SLC4A3: variants seen among roughly 807,000 people sequenced by gnomAD.
The protein encoded by SLC4A3 is anion exchange protein 3.
In SLC4A3, 47 loss-of-function variants were observed where a neutral mutation model predicts 114.2. The ratio of observed to expected loss-of-function variants is 0.41; its 90% CI spans 0.33 to 0.52. SLC4A3 has a LOEUF of 0.52. Among genes scored for constraint, SLC4A3 ranks in the 20% least tolerant of loss-of-function variants. The pLI, the probability that SLC4A3 is intolerant of heterozygous loss-of-function variation, is 0.21. For synonymous variants in SLC4A3, 693 were observed against 710.3 expected (o/e 0.98, Z 0.39); for missense variants, 1,312 against 1,668.3 (o/e 0.79, Z 3.72).
In SLC4A3 at chr2:219,638,231, C is replaced by G; in HGVS notation, c.2834C>G (p.Ser945Cys). Residue 945 changes from serine to cysteine, a missense_variant, in exon 18 of 23, where the codon TCC becomes TGC. Coordinates refer to ENST00000358055, the MANE Select transcript of SLC4A3 (RefSeq NM_005070.4). The surrounding 1 kb of genome is among the most constrained non-coding windows in gnomAD (Gnocchi z 7.5). Reference protein sequence around the residue: ...SILVMVLVDYSITDTYTQKLT... With the variant: ...SILVMVLVDYCITDTYTQKLT... The stretch of plus-strand genomic sequence containing the variant: ...CTGGTGATGGTCCTGGTGGATTACT[C>G]CATCACAGACACCTACACGCAGGTG... The G allele has an allele frequency of 6.2e-7, 1 of 1,612,272 alleles. No individual in the cohort carries two copies.
Position 219,631,463 on chromosome 2 carries a change from A to G in SLC4A3, c.812-505A>G. ...TGGCAGGGCCACCAACTTGTGAGTAACGGGGCTGCTGGCCTTTCCCCGACT... is the reference window on the plus strand; with the variant it reads ...TGGCAGGGCCACCAACTTGTGAGTAGCGGGGCTGCTGGCCTTTCCCCGACT... On this transcript the variant is annotated intron_variant, in intron 6 of 22. Transcript: ENST00000358055. This position sits in a 1 kb window ranked among gnomAD's most constrained non-coding sequence, Gnocchi z 6.3. The G allele has an allele frequency of 7.7e-7, 1 of 1,302,930 alleles. No individual in the cohort carries two copies. Among genetic ancestry groups the G allele is most frequent in the South Asian group, 1.2e-5 (1 of 80,940 alleles). 80.7% of individuals were successfully genotyped at this position (1,302,930 alleles called of 1,614,324 possible). A position where few individuals can be genotyped will look rare whatever the true frequency, so the allele number is the denominator to read the frequency against.
At chr2:219,627,871 AG>A (rs1698770476) in intron 1 of SLC4A3, 28 bp from the exon 2 acceptor site, 1 of 761,972 alleles carries the variant, frequency 1.3e-6, no homozygotes, top group African/African-American at 1.9e-5. Context: ...CGCCAGCGCA[AG>A]GAACCTGACC....
In SLC4A3 at chr2:219,638,317, A is replaced by T; in HGVS notation, c.2856+64A>T. The T allele has an allele frequency of 8.0e-7, 1 of 1,242,644 alleles. No homozygotes were observed. The highest frequency in any genetic ancestry group is 1.2e-5 in the South Asian group (1 of 80,028). The allele number at this position is 1,242,644 out of a possible 1,614,324, so 77.0% of individuals were successfully genotyped here. A position where few individuals can be genotyped will look rare whatever the true frequency, so the allele number is the denominator to read the frequency against. The stretch of plus-strand genomic sequence containing the variant: ...CAGGCCAGGAGAGGGAGCCCACAAC[A>T]CACTTCCATGGGCCCTGGGATTGGG... On this transcript the variant is annotated intron_variant, in intron 18 of 22. Coordinates refer to ENST00000358055, the MANE Select transcript of SLC4A3 (RefSeq NM_005070.4). This position sits in a 1 kb window ranked among gnomAD's most constrained non-coding sequence, Gnocchi z 7.5.
chr2:219,633,355 T>C lies in SLC4A3; in HGVS notation c.1359T>C (p.His453=). Residue 453 remains histidine, a synonymous_variant, in exon 10 of 23, where the codon CAT becomes CAC. Coordinates refer to ENST00000358055, the MANE Select transcript of SLC4A3 (RefSeq NM_005070.4). ...GCATGAACTCGGTTCTGGGGAATCATCACCCAACTCCCAGCCATGGCCCTG... is the reference window on the plus strand; with the variant it reads ...GCATGAACTCGGTTCTGGGGAATCACCACCCAACTCCCAGCCATGGCCCTG... ...SSSMNSVLGN[H]HPTPSHGPDG... is the part of the protein sequence containing the mutation. 1 of 1,607,732 alleles carries C rather than the reference T, an allele frequency of 6.2e-7. No individual in the cohort carries two copies. The highest frequency in any genetic ancestry group is 1.1e-5 in the South Asian group (1 of 90,416).
chr2:219,636,865 G>T lies in SLC4A3; in HGVS notation c.2526G>T (p.Lys842Asn). The change falls in exon 16 of 23, where the codon AAG becomes AAT. Residue 842 changes from lysine (K) to asparagine (N), a missense_variant. Lys to Asn is a moderately conservative substitution (Grantham distance 94). Around this residue, in one of 4 missense-constraint regions of SLC4A3, gnomAD observed 771 missense variants for 977.7 expected, o/e 0.79. Coordinates refer to ENST00000358055, the MANE Select transcript of SLC4A3 (RefSeq NM_005070.4). This position sits in a 1 kb window ranked among gnomAD's most constrained non-coding sequence, Gnocchi z 5.5. ...SLIFIYETFY[K>N]LYKVFTEHPL... is the part of the protein sequence containing the mutation. ...TTTTCATCTACGAGACCTTCTACAA[G>T]CTCTACAAGGTGGAGGTCCAGCGAG... 1.9e-6 allele frequency: 3 copies of T among 1,613,684 alleles called. No individual in the cohort carries two copies. The highest frequency in any genetic ancestry group is 2.2e-5 in the South Asian group (2 of 91,048).
At chr2:219,629,966 G>A in intron 5 of SLC4A3, 187 bp from the exon 6 acceptor site, 1 of 1,126,894 alleles carries the variant, frequency 8.9e-7, no homozygotes, top group South Asian at 1.6e-5. Flanking sequence ...AGAGGGTGAG[G>A]AGAAAGGTGG....
Position 219,630,149 on chromosome 2 carries a change from C to G in SLC4A3, c.612-4C>G. ...AGTCCAAGGCTGCTGTGTTGCCTCC[C>G]CAGCTCCCCCAGCCCCCGGGCCCGG... On this transcript the variant is annotated splice_region_variant and splice_polypyrimidine_tract_variant and intron_variant, in intron 5 of 22. Transcript: ENST00000358055. This position sits in a 1 kb window ranked among gnomAD's most constrained non-coding sequence, Gnocchi z 6.9. 1 of 1,612,028 alleles carries G rather than the reference C, an allele frequency of 6.2e-7. No homozygotes were observed. Among genetic ancestry groups the G allele is most frequent in the Non-Finnish European group, 8.5e-7 (1 of 1,179,012 alleles).
rs375245968 is a variant in SLC4A3 at position 219,637,748 on chromosome 2, C to G, written c.2703C>G (p.Leu901=). ...CACTGCTCTCACTCATCCTCATGCT[C>G]GGGACCTTCTTCATAGCCTTCTTCC... The part of the protein sequence containing the change: ...NTALLSLILM[L]GTFFIAFFLR... The change falls in exon 17 of 23, where the codon CTC becomes CTG. Residue 901 remains leucine (L), a synonymous_variant. Transcript: ENST00000358055. This position sits in a 1 kb window ranked among gnomAD's most constrained non-coding sequence, Gnocchi z 4.6. 1 of 1,613,976 alleles carries G rather than the reference C, an allele frequency of 6.2e-7. No individual in the cohort carries two copies. The highest frequency in any genetic ancestry group is 1.1e-5 in the South Asian group (1 of 91,076).
Position 219,638,075 on chromosome 2 carries a change from C to T in SLC4A3, c.2767-89C>T. 8.9e-7 allele frequency: 1 copy of T among 1,122,846 alleles called. No homozygotes were observed. 69.6% of individuals were successfully genotyped at this position (1,122,846 alleles called of 1,614,324 possible). A position where few individuals can be genotyped will look rare whatever the true frequency, so the allele number is the denominator to read the frequency against. ...GGGGCCTTCTGGCTCCAGCTTGGAC[C>T]CAGGCAGGGCCAGAGATGGCAAGCC... On this transcript the variant is annotated intron_variant, in intron 17 of 22. Coordinates refer to ENST00000358055, the MANE Select transcript of SLC4A3 (RefSeq NM_005070.4). The surrounding 1 kb of genome is among the most constrained non-coding windows in gnomAD (Gnocchi z 7.5).
At chr2:219,629,018 C>A in intron 3 of SLC4A3, 126 bp from the exon 4 acceptor site, 1 of 1,165,652 alleles carries the variant, frequency 8.6e-7, no homozygotes, top group Non-Finnish European at 1.2e-6. Context: ...GTTGGGGGGT[C>A]ATGGCCCTGG....
chr2:219,628,491 G>A lies in SLC4A3; in HGVS notation c.138G>A (p.Arg46=). The change falls in exon 3 of 23, where the codon AGG becomes AGA. Residue 46 remains arginine, a synonymous_variant. Transcript: ENST00000358055. This position sits in a 1 kb window ranked among gnomAD's most constrained non-coding sequence, Gnocchi z 4.8. ...TGGGCAAGACCTTGGCTGTGAGCAG[G>A]TTTGGGGACCTCATCAGCAAGCCCC... The part of the protein sequence containing the change: ...DDLGKTLAVS[R]FGDLISKPPA... 2 of 1,613,860 alleles carry A rather than the reference G, an allele frequency of 1.2e-6. No homozygotes were observed. The highest frequency in any genetic ancestry group is 2.2e-5 in the East Asian group (1 of 44,848).
Position 219,631,290 on chromosome 2 carries a change from G to A in SLC4A3, c.812-678G>A. ...TGAGCCCAATGGGGCACTGAGCCCT[G>A]GGCCTGGGGATACCAATAGCTGGGG... On this transcript the variant is annotated intron_variant, in intron 6 of 22. Transcript: ENST00000358055. This position sits in a 1 kb window ranked among gnomAD's most constrained non-coding sequence, Gnocchi z 6.3. 2 of 1,302,490 alleles carry A rather than the reference G, an allele frequency of 1.5e-6. No individual in the cohort carries two copies. Among genetic ancestry groups the A allele is most frequent in the Non-Finnish European group, 1.0e-6 (1 of 987,616 alleles). 80.7% of individuals were successfully genotyped at this position (1,302,490 alleles called of 1,614,324 possible).
In SLC4A3 at chr2:219,628,652, T is replaced by G. The variant is rs1698807119; in HGVS notation, c.217+82T>G. 17 of 1,440,352 alleles carry G rather than the reference T, an allele frequency of 1.2e-5. No individual in the cohort carries two copies. In the South Asian group the frequency reaches 1.9e-4, roughly 16 times the overall value. The allele number at this position is 1,440,352 out of a possible 1,614,324, so 89.2% of individuals were successfully genotyped here. A position where few individuals can be genotyped will look rare whatever the true frequency, so the allele number is the denominator to read the frequency against. On this transcript the variant is annotated intron_variant, in intron 3 of 22. Transcript: ENST00000358055. The surrounding 1 kb of genome is among the most constrained non-coding windows in gnomAD (Gnocchi z 4.8). ...CACCATCACCGCGCTCACCTCCGGCTTGGTCACCCAGTGCCATCCTGTGCC... is the reference window on the plus strand; with the variant it reads ...CACCATCACCGCGCTCACCTCCGGCGTGGTCACCCAGTGCCATCCTGTGCC...
In SLC4A3 at chr2:219,629,825, G is replaced by A. The variant is rs556222045; in HGVS notation, c.611+130G>A. The A allele has an allele frequency of 2.7e-4, 118 of 441,164 alleles. 1 individual carries two copies. Among genetic ancestry groups the A allele is most frequent in the African/African-American group, 2.4e-3 (110 of 46,202 alleles). 27.3% of individuals were successfully genotyped at this position (441,164 alleles called of 1,614,324 possible). ...GACCCTGAGAAAAGAGGAGCAGGGT[G>A]TGGGAGGGGGGTGGGGATCCTTCTC... On this transcript the variant is annotated intron_variant, in intron 5 of 22. Transcript: ENST00000358055.
At position 219,633,004 on chromosome 2, in the gene SLC4A3, G is replaced by A; in HGVS notation, c.1272G>A (p.Lys424=). 2.5e-6 allele frequency: 4 copies of A among 1,613,968 alleles called. No homozygotes were observed. Among genetic ancestry groups the A allele is most frequent in the South Asian group, 2.2e-5 (2 of 91,078 alleles). Residue 424 remains lysine, a synonymous_variant, in exon 9 of 23, where the codon AAG becomes AAA. Coordinates refer to ENST00000358055, the MANE Select transcript of SLC4A3 (RefSeq NM_005070.4). ...GCGTCCTACGTACCCTGCTACTGAAGCACAGGTGCCGGGGTGGGTCCCTGG... is the reference window on the plus strand; with the variant it reads ...GCGTCCTACGTACCCTGCTACTGAAACACAGGTGCCGGGGTGGGTCCCTGG... ...RASVLRTLLL[K]HSHPNDDKDS...
rs1324418872 is a variant in SLC4A3 at position 219,637,404 on chromosome 2, A to AT, written c.2536-176dup. 6.7e-6 allele frequency among the ~76,000 whole-genome samples: 1 copy of AT among 149,896 alleles called. No individual in the cohort carries two copies. Among genetic ancestry groups the AT allele is most frequent in the Non-Finnish European group, 1.5e-5 (1 of 67,414 alleles). Reference sequence around the variant, plus strand: ...TGTTGTTACGTGTTGTGTGTGTTGTATGTGTGTGTTCTGTGTGTTCTGTGT... The same window carrying AT: ...TGTTGTTACGTGTTGTGTGTGTTGTATTGTGTGTGTTCTGTGTGTTCTGTGT... On this transcript the variant is annotated intron_variant, in intron 16 of 22. Coordinates refer to ENST00000358055, the MANE Select transcript of SLC4A3 (RefSeq NM_005070.4). The surrounding 1 kb of genome is among the most constrained non-coding windows in gnomAD (Gnocchi z 4.6).
rs777796939 is a variant in SLC4A3, at chr2:219,641,652, T to C, written c.3623T>C (p.Leu1208Pro). The C allele has an allele frequency of 1.9e-6, 3 of 1,613,580 alleles. No individual in the cohort carries two copies. The highest frequency in any genetic ancestry group is 3.3e-5 in the Admixed American group (2 of 60,002). The change falls in exon 23 of 23, where the codon CTG becomes CCG. Residue 1208 changes from leucine (L) to proline (P), a missense_variant and splice_region_variant. Leu to Pro is a moderately conservative substitution (Grantham distance 98, BLOSUM62 -3). This residue lies in a region of SLC4A3 where 301 missense variants were observed against 460.7 expected (regional missense o/e 0.65). Transcript: ENST00000358055. The surrounding 1 kb of genome is among the most constrained non-coding windows in gnomAD (Gnocchi z 4.0). ...RLFQDRELQALDSEDAEPNFD... is the reference protein window; with the variant it reads ...RLFQDRELQAPDSEDAEPNFD... ...CCCAACCTTCTGTTCCCTCTGCAGC[T>C]GGACTCGGAAGATGCTGAACCAAAC...
rs539093616 is a variant in SLC4A3 at position 219,630,781 on chromosome 2, G to T, written c.811+429G>T. The stretch of plus-strand genomic sequence containing the variant: ...TTCACTCCCATCCCACTACCCTTGG[G>T]GGGGGCCTGGCTGTGATCTCGGCAC... On this transcript the variant is annotated intron_variant, in intron 6 of 22. Coordinates refer to ENST00000358055, the MANE Select transcript of SLC4A3 (RefSeq NM_005070.4). This position sits in a 1 kb window ranked among gnomAD's most constrained non-coding sequence, Gnocchi z 6.9. 4.6e-5 allele frequency among the ~76,000 whole-genome samples: 7 copies of T among 152,186 alleles called. No individual in the cohort carries two copies. In the South Asian group the frequency reaches 6.2e-4, roughly 14 times the overall value.
At position 219,639,515 on chromosome 2, in the gene SLC4A3, C is replaced by T. The variant is rs1476260172; in HGVS notation, c.3057C>T (p.Leu1019=). The change falls in exon 20 of 23, where the codon CTC becomes CTT. Residue 1019 remains leucine (L), a synonymous_variant. Coordinates refer to ENST00000358055, the MANE Select transcript of SLC4A3 (RefSeq NM_005070.4). This position sits in a 1 kb window ranked among gnomAD's most constrained non-coding sequence, Gnocchi z 5.9. ...LIVSQKARRL[L]KGSGFHLDLL... ...TCAGCCAGAAGGCGCGGAGGCTGCT[C>T]AAGGGCTCCGGTTTCCACCTGGACC... 3.1e-6 allele frequency: 5 copies of T among 1,613,832 alleles called. No individual in the cohort carries two copies. Among genetic ancestry groups the T allele is most frequent in the Non-Finnish European group, 4.2e-6 (5 of 1,180,038 alleles).
Sources: allele counts gnomAD v4.1 joint callset (sites outside exome capture counted in the v4.1 genomes callset), GRCh38; gene constraint gnomAD v4.1.1; regional missense constraint gnomAD v4.1.1; non-coding constraint Gnocchi (gnomAD v3.1); transcripts MANE v1.5; gene names NCBI Gene and HGNC (gene_info 2026-07-23, HGNC 2026-07-21).